COLEC12: variants seen among roughly 807,000 people sequenced by gnomAD.
COLEC12 encodes collectin subfamily member 12, also known as collectin-12.
COLEC12 carries 33 observed loss-of-function variants against 71.1 expected under a neutral mutation model. That is an observed-to-expected ratio of 0.46 (90% CI 0.35 to 0.62). The LOEUF (loss-of-function observed/expected upper bound fraction) is 0.62. Among genes scored for constraint, COLEC12 ranks in the 20% least tolerant of loss-of-function variants. The pLI is 0.00. For synonymous variants in COLEC12, 350 were observed against 353.0 expected (o/e 0.99, Z 0.10); for missense variants, 765 against 916.1 (o/e 0.84, Z 2.13).
intron 2 of COLEC12, among the ~76,000 whole-genome samples, chr18:398,832 G>T (rs1490317183): frequency 6.6e-6 from 1 of 152,236 alleles, no homozygotes; most frequent in Admixed American, 6.5e-5. Context: ...CTGGGGAGGG[G>T]AAATGTGAGC....
intron 1 of COLEC12, among the ~76,000 whole-genome samples, chr18:499,603 A>G (rs371369455): frequency 2.3e-4 from 35 of 152,332 alleles, no homozygotes; most frequent in African/African-American, 8.2e-4. Flanking sequence ...CAGAACCAGC[A>G]ACTCTCACAC....
intron 2 of COLEC12, among the ~76,000 whole-genome samples, chr18:415,347 T>C (rs1915966551): frequency 6.6e-6 from 1 of 152,172 alleles, no homozygotes; most frequent in South Asian, 2.1e-4. Context: ...GCCTTTTCCT[T>C]GTATCATTGT....
intron 2 of COLEC12, among the ~76,000 whole-genome samples, chr18:421,162 G>A (rs1336762020): frequency 6.6e-6 from 1 of 152,108 alleles, no homozygotes; most frequent in Middle Eastern, 3.2e-3. Context: ...TCTATATTAA[G>A]GTTATATGCA....
chr18:328,472 A>G (rs1337875403), intron 8 of COLEC12, among the ~76,000 whole-genome samples: 2 of 152,222 alleles, frequency 1.3e-5, no homozygotes, highest in Non-Finnish European at 2.9e-5. Context: ...GGACATCCCA[A>G]TCAGGATACT....
chr18:376,658 T>A (rs1276755263), intron 2 of COLEC12, among the ~76,000 whole-genome samples: 1 of 152,176 alleles, frequency 6.6e-6, no homozygotes, highest in Non-Finnish European at 1.5e-5. Flanking sequence ...TAGGCCTAAA[T>A]GGGGACACGA....
chr18:421,472 G>C (rs1916097127), intron 2 of COLEC12, among the ~76,000 whole-genome samples: 1 of 152,050 alleles, frequency 6.6e-6, no homozygotes, highest in Non-Finnish European at 1.5e-5. Flanking sequence ...CTTGTTTTCT[G>C]CTTGTAGGCT....
In COLEC12 at chr18:318,556, G is replaced by C. The variant is rs981804555; in HGVS notation, c.*1489C>G. ...CACCGAGGCTGGAGTGCAGTGGTGC[G>C]ATCTTGGCTCACTGCAATCTCTGCC... On this transcript the variant is annotated 3_prime_UTR_variant, in exon 10 of 10. Transcript: ENST00000400256. The C allele has an allele frequency of 7.0e-6, 1 of 143,002 alleles. No homozygotes were observed. The highest frequency in any genetic ancestry group is 1.5e-5 in the Non-Finnish European group (1 of 66,916). 8.9% of individuals were successfully genotyped at this position (143,002 alleles called of 1,614,324 possible). A position where few individuals can be genotyped will look rare whatever the true frequency, so the allele number is the denominator to read the frequency against.
chr18:455,672 G>C (rs1465635235), intron 2 of COLEC12, among the ~76,000 whole-genome samples: 1 of 151,168 alleles, frequency 6.6e-6, no homozygotes, highest in Non-Finnish European at 1.5e-5. Context: ...GACAGGCCTG[G>C]GTGTGTGACA....
chr18:437,118 T>C (rs1916422523), intron 2 of COLEC12, among the ~76,000 whole-genome samples: 1 of 152,190 alleles, frequency 6.6e-6, no homozygotes, highest in African/African-American at 2.4e-5. Context: ...CAGGGGACAG[T>C]AGGCTGTCTT....
intron 1 of COLEC12, among the ~76,000 whole-genome samples, chr18:497,383 GGTGTGTGTGTGTGTGTGTGTGTGTGT>G (rs10689788): frequency 6.8e-6 from 1 of 147,052 alleles, no homozygotes; most frequent in East Asian, 2.0e-4. Flanking sequence ...TAAAGAATGG[GGTGTGTGTGTGTGTGTGTGTGTGTGT>G]GTGTGTGTGT....
intron 3 of COLEC12, among the ~76,000 whole-genome samples, chr18:355,283 G>A (rs1914607551): frequency 6.6e-6 from 1 of 152,090 alleles, no homozygotes; most frequent in Non-Finnish European, 1.5e-5. Context: ...AATGCTGGGT[G>A]CTATGGGAAC....
chr18:321,482 C>T (rs1019579186), intron 9 of COLEC12, among the ~76,000 whole-genome samples, 180 bp downstream of exon 9: 5 of 152,226 alleles, frequency 3.3e-5, no homozygotes, highest in Admixed American at 2.0e-4. Context: ...TTCACAACCT[C>T]GTGAAGAAGA....
chr18:367,032 C>G (rs900020572), intron 2 of COLEC12, among the ~76,000 whole-genome samples: 1 of 152,234 alleles, frequency 6.6e-6, no homozygotes, highest in Non-Finnish European at 1.5e-5. Context: ...CCTGCCCAGA[C>G]TGAAGTGAGT....
intron 2 of COLEC12, among the ~76,000 whole-genome samples, chr18:451,592 CA>C (rs1399680661): frequency 1.3e-5 from 2 of 151,924 alleles, no homozygotes; most frequent in Non-Finnish European, 1.5e-5. Flanking sequence ...CTAAAAAATA[CA>C]AAAATTAGCC....
Position 498,774 on chromosome 18 carries a change from T to C in COLEC12, c.7+1734A>G, listed in dbSNP as rs564001678. On this transcript the variant is annotated intron_variant, in intron 1 of 9. Coordinates refer to ENST00000400256, the MANE Select transcript of COLEC12 (RefSeq NM_130386.3). ...TGGGGCGGAAAGTGTATGGGGCTTC[T>C]GGGCAGCGCTAGACCACAGCGGGTA... Among the ~76,000 whole-genome samples the C allele has an allele frequency of 1.4e-4, 22 of 152,312 alleles. No individual in the cohort carries two copies. The South Asian group carries it at 1.7e-3, about 11-fold the overall frequency.
chr18:467,020 A>G (rs1322539209), intron 2 of COLEC12, among the ~76,000 whole-genome samples: 2 of 152,354 alleles, frequency 1.3e-5, no homozygotes, highest in East Asian at 3.9e-4. Context: ...AGGAAAAGAA[A>G]AAGACTTTCA....
At chr18:360,481 A>G (rs1312765496) in intron 2 of COLEC12, among the ~76,000 whole-genome samples, 1 of 152,132 alleles carries the variant, frequency 6.6e-6, no homozygotes, top group Non-Finnish European at 1.5e-5. Context: ...GTGAGCCACC[A>G]CGCCTGGCCA....
chr18:467,665 T>C (rs1917113792), intron 2 of COLEC12, among the ~76,000 whole-genome samples: 1 of 152,248 alleles, frequency 6.6e-6, no homozygotes, highest in African/African-American at 2.4e-5. Flanking sequence ...TAGCTGCTTT[T>C]ATGAAGCTTG....
intron 8 of COLEC12, among the ~76,000 whole-genome samples, chr18:324,019 T>G (rs1014882755): frequency 8.5e-5 from 13 of 152,152 alleles, no homozygotes; most frequent in Non-Finnish European, 1.8e-4. Context: ...TCCTTAGGAC[T>G]AAAAGCAGAA....
Sources: gnomAD v4.1 joint callset for allele counts (sites outside exome capture counted in the v4.1 genomes callset) on GRCh38, gnomAD v4.1.1 for gene constraint, MANE v1.5 for transcripts, NCBI Gene and HGNC (gene_info 2026-07-23, HGNC 2026-07-21) for gene names.